Variants in RAB38 observed in about 807,000 individuals in gnomAD.
RAB38 encodes ras-related protein Rab-38.
Under a neutral mutation model 18.4 loss-of-function variants are expected in RAB38, and 15 were observed. That is an observed-to-expected ratio of 0.82 (90% confidence interval 0.55 to 1.26). RAB38 has a LOEUF of 1.26. Among genes scored for constraint, RAB38 ranks in the 50% most tolerant of loss-of-function variants. The pLI is 0.00. For synonymous variants in RAB38, 101 were observed against 104.4 expected, an observed-to-expected ratio of 0.97 and a Z score of 0.20; for missense variants, 294 against 267.4, an observed-to-expected ratio of 1.10 and a Z score of -0.69.
At chr11:87,838,146 G>A in the RAB38 span, among the ~76,000 whole-genome samples, 8 of 150,152 alleles carry the variant, frequency 5.3e-5, no homozygotes, top group Admixed American at 1.3e-4. Context: ...ATGGAGTCTC[G>A]CTCTGTCTCC....
At chr11:87,833,820 G>T in the RAB38 span, among the ~76,000 whole-genome samples, 1 of 152,194 alleles carries the variant, frequency 6.6e-6, no homozygotes, top group Non-Finnish European at 1.5e-5. Flanking sequence ...TATTGTGGTT[G>T]ATAGAATAAT....
At chr11:87,869,086 G>C in the RAB38 span, among the ~76,000 whole-genome samples, 4 of 151,650 alleles carry the variant, frequency 2.6e-5, no homozygotes, top group African/African-American at 9.7e-5. Context: ...TCTGGTATCA[G>C]AATCTAGGGA....
At chr11:88,038,951 T>C in the RAB38 span, among the ~76,000 whole-genome samples, 1 of 152,188 alleles carries the variant, frequency 6.6e-6, no homozygotes, top group Non-Finnish European at 1.5e-5. Flanking sequence ...TTTGTGGTTG[T>C]TAAGATGAAA....
chr11:87,877,349 A>G, the RAB38 span, among the ~76,000 whole-genome samples: 1 of 151,542 alleles, frequency 6.6e-6, no homozygotes, highest in Non-Finnish European at 1.5e-5. Context: ...TCTCATCTCA[A>G]ATATGGGAAT....
chr11:88,114,690 T>C (rs920419160), intron 2 of RAB38, among the ~76,000 whole-genome samples: 1 of 152,222 alleles, frequency 6.6e-6, no homozygotes, highest in Non-Finnish European at 1.5e-5. Flanking sequence ...ATGTGAGAAG[T>C]AATGTGTGTC....
chr11:88,114,929 A>C lies in RAB38; in HGVS notation c.484-789T>G, dbSNP rs191942856. On this transcript the variant is annotated intron_variant, in intron 2 of 2. Coordinates refer to ENST00000243662, the MANE Select transcript of RAB38 (RefSeq NM_022337.3). ...ATTACCCCAAATAAACCCTGGCATT[A>C]TCTAGACATTCCAGATGGATATAAC... 2.4e-4 allele frequency among the ~76,000 whole-genome samples: 36 copies of C among 152,354 alleles called. No individual in the cohort carries two copies. The East Asian group carries it at 6.9e-3, about 29-fold the overall frequency.
chr11:88,113,973 C>A lies in RAB38; in HGVS notation c.*15G>T. ...CAATGAGGTCATTCCTACCAGACAC[C>A]AGCAAAGGTGCCTACTAGGATTTGG... On this transcript the variant is annotated 3_prime_UTR_variant, in exon 3 of 3. Transcript: ENST00000243662. 6.2e-7 allele frequency: 1 copy of A among 1,613,942 alleles called. No individual in the cohort carries two copies. Among genetic ancestry groups the A allele is most frequent in the Non-Finnish European group, 8.5e-7 (1 of 1,179,870 alleles).
At chr11:87,848,949 T>C in the RAB38 span, among the ~76,000 whole-genome samples, 3 of 152,152 alleles carry the variant, frequency 2.0e-5, no homozygotes, top group East Asian at 5.8e-4. Flanking sequence ...AGGTCCCATT[T>C]TATGCTAATA....
the RAB38 span, chr11:88,100,108 A>ACT: frequency 3.9e-5 from 6 of 151,930 alleles, no homozygotes; most frequent in African/African-American, 1.4e-4. Flanking sequence ...CATCTTAGAA[A>ACT]AAGTGTTTAA....
chr11:87,837,565 T>C, the RAB38 span, among the ~76,000 whole-genome samples: 2 of 152,352 alleles, frequency 1.3e-5, no homozygotes, highest in Admixed American at 1.3e-4. Context: ...GCTTAACTAC[T>C]GGGCAAAATT....
At chr11:87,813,509 A>T in the RAB38 span, among the ~76,000 whole-genome samples, 7 of 151,518 alleles carry the variant, frequency 4.6e-5, no homozygotes, top group Admixed American at 1.3e-4. Context: ...TCACACACAC[A>T]CACACACACA....
At chr11:87,878,227 A>C in the RAB38 span, among the ~76,000 whole-genome samples, 1 of 125,458 alleles carries the variant, frequency 8.0e-6, no homozygotes, top group Non-Finnish European at 1.6e-5. Context: ...ATATATACAC[A>C]CATATATATA....
chr11:87,914,198 G>A, the RAB38 span, among the ~76,000 whole-genome samples: 1 of 151,996 alleles, frequency 6.6e-6, no homozygotes, highest in African/African-American at 2.4e-5. Context: ...AAAAAAAAGA[G>A]GGAAAATTTG....
intron 2 of RAB38, among the ~76,000 whole-genome samples, chr11:88,114,513 T>C (rs1480812108): frequency 2.0e-5 from 3 of 152,214 alleles, no homozygotes; most frequent in Non-Finnish European, 4.4e-5. Flanking sequence ...CCACATACTA[T>C]TTTTGTGACC....
At chr11:87,905,648 T>C in the RAB38 span, among the ~76,000 whole-genome samples, 1 of 151,922 alleles carries the variant, frequency 6.6e-6, no homozygotes, top group Non-Finnish European at 1.5e-5. Flanking sequence ...TTCTGGCTGG[T>C]TGGAACTCAG....
chr11:87,972,284 T>G, the RAB38 span, among the ~76,000 whole-genome samples: 23 of 152,184 alleles, frequency 1.5e-4, no homozygotes, highest in African/African-American at 5.5e-4. Flanking sequence ...TCTAAACAAT[T>G]TGAACACAAG....
chr11:87,812,856 C>G, the RAB38 span, among the ~76,000 whole-genome samples: 1 of 152,144 alleles, frequency 6.6e-6, no homozygotes, highest in Non-Finnish European at 1.5e-5. Flanking sequence ...GAAATATAGC[C>G]TATCATAAAT....
chr11:87,875,787 G>GTA, the RAB38 span, among the ~76,000 whole-genome samples: 1 of 151,424 alleles, frequency 6.6e-6, no homozygotes, highest in Admixed American at 6.6e-5. Context: ...GGCTATAGTA[G>GTA]TACAGTACAG....
At chr11:88,166,054 T>C (rs548810200) in intron 1 of RAB38, 1 of 152,120 alleles carries the variant, frequency 6.6e-6, no homozygotes, top group South Asian at 2.1e-4. Context: ...CAGGTAGGAT[T>C]TGGATGTGCT....
Sources: allele counts gnomAD v4.1 joint callset (sites outside exome capture counted in the v4.1 genomes callset), GRCh38; gene constraint gnomAD v4.1.1; transcripts MANE v1.5; gene names NCBI Gene and HGNC (gene_info 2026-07-23, HGNC 2026-07-21).